Variants in KDM7A observed in about 807,000 individuals in gnomAD.
The protein encoded by KDM7A is lysine-specific demethylase 7A.
In KDM7A, 28 loss-of-function variants were observed where a neutral mutation model predicts 114.8. The observed-to-expected ratio is 0.24, with a 90% CI of 0.18 to 0.33. The LOEUF (loss-of-function observed/expected upper bound fraction) is 0.33, where lower values mean the gene tolerates loss of function less well. Ranked by LOEUF, KDM7A falls within the 10% of genes least tolerant of loss-of-function variation. The pLI is 1.00. For synonymous variants in KDM7A, 423 were observed against 397.8 expected (o/e 1.06, Z -0.75); for missense variants, 942 against 1,142.5 (o/e 0.82, Z 2.53).
intron 1 of KDM7A, among the ~76,000 whole-genome samples, chr7:140,159,786 T>A (rs1794497765): frequency 6.6e-6 from 1 of 152,154 alleles, no homozygotes; most frequent in Non-Finnish European, 1.5e-5. Flanking sequence ...CCTGATGGGA[T>A]CCAGATGCAA....
At position 140,124,789 on chromosome 7, in the gene KDM7A, A is replaced by AG. The variant is rs756516155; in HGVS notation, c.889-7dup. On this transcript the variant is annotated splice_region_variant and splice_polypyrimidine_tract_variant and intron_variant, in intron 6 of 19. Coordinates refer to ENST00000397560, the MANE Select transcript of KDM7A (RefSeq NM_030647.2). Reference sequence around the variant, plus strand: ...AAATAAAAAATCTTCTCACCCTAAAAGGAAGTATCATACTATTTTTGAAAA... The same window carrying AG: ...AAATAAAAAATCTTCTCACCCTAAAAGGGAAGTATCATACTATTTTTGAAAA... 4.3e-5 allele frequency: 68 copies of AG among 1,585,082 alleles called. No individual in the cohort carries two copies. The African/African-American group carries it at 8.5e-4, about 20-fold the overall frequency.
rs1210805060 is a variant in KDM7A, at chr7:140,089,815, A to G, written c.*1279T>C. The G allele has an allele frequency of 1.3e-5, 2 of 152,202 alleles. No individual in the cohort carries two copies. Among genetic ancestry groups the G allele is most frequent in the Non-Finnish European group, 2.9e-5 (2 of 68,026 alleles). 9.4% of individuals were successfully genotyped at this position (152,202 alleles called of 1,614,324 possible). A position where few individuals can be genotyped will look rare whatever the true frequency, so the allele number is the denominator to read the frequency against. On this transcript the variant is annotated 3_prime_UTR_variant, in exon 20 of 20. Transcript: ENST00000397560. ...ATGGAAGAAACTGCCAAAAGCACCC[A>G]TTTTACTCCAAATCCATATCTTAAG...
chr7:140,103,067 A>G (rs1206295840), intron 11 of KDM7A, among the ~76,000 whole-genome samples: 1 of 152,086 alleles, frequency 6.6e-6, no homozygotes, highest in Non-Finnish European at 1.5e-5. Flanking sequence ...CCATCTCGAG[A>G]AGCTTCTCAT....
intron 11 of KDM7A, among the ~76,000 whole-genome samples, chr7:140,107,443 A>G (rs1818357077): frequency 6.6e-6 from 1 of 152,148 alleles, no homozygotes; most frequent in Admixed American, 6.5e-5. Context: ...TGCTTCCTTC[A>G]GGAGCTCTTG....
chr7:140,094,764 T>C (rs1054008931), intron 17 of KDM7A: 1 of 152,478 alleles, frequency 6.6e-6, no homozygotes, highest in Non-Finnish European at 1.5e-5. Context: ...TGTGATCAAA[T>C]AGTTATAAAC....
chr7:140,128,301 T>C (rs1818737332), intron 4 of KDM7A, among the ~76,000 whole-genome samples: 1 of 152,212 alleles, frequency 6.6e-6, no homozygotes, highest in Non-Finnish European at 1.5e-5. Context: ...TGGGATAAGG[T>C]AGAATTCAAA....
chr7:140,151,451 C>T (rs1258703859), intron 1 of KDM7A, among the ~76,000 whole-genome samples: 1 of 152,152 alleles, frequency 6.6e-6, no homozygotes, highest in East Asian at 1.9e-4. Context: ...CTTGGGCTAC[C>T]ATCTTGGAGC....
At chr7:140,124,822 G>C (rs1465289590) in intron 6 of KDM7A, 39 bp from the exon 7 acceptor site, 1 of 1,339,106 alleles carries the variant, frequency 7.5e-7, no homozygotes, top group East Asian at 2.4e-5. Context: ...AAAAGCAAAA[G>C]CCATACTTAG....
intron 15 of KDM7A, 108 bp downstream of exon 15, chr7:140,097,437 G>C: frequency 1.5e-6 from 1 of 646,222 alleles, no homozygotes; most frequent in Middle Eastern, 3.5e-4. Context: ...ATGTAAGTCA[G>C]ACAGACAAGC....
intron 7 of KDM7A, among the ~76,000 whole-genome samples, chr7:140,124,330 C>T (rs1818664091): frequency 6.6e-6 from 1 of 152,034 alleles, no homozygotes; most frequent in South Asian, 2.1e-4. Context: ...TATTAATCTA[C>T]TAAAAACCAC....
intron 7 of KDM7A, 108 bp downstream of exon 7, chr7:140,124,512 AT>A (rs1818668277): frequency 5.7e-6 from 4 of 695,836 alleles, no homozygotes; most frequent in Non-Finnish European, 9.2e-6. Context: ...TTCTTAACAA[AT>A]GTCATAAAAA....
At chr7:140,152,969 T>A (rs1360826590) in intron 1 of KDM7A, among the ~76,000 whole-genome samples, 1 of 151,794 alleles carries the variant, frequency 6.6e-6, no homozygotes, top group South Asian at 2.1e-4. Flanking sequence ...AAGCGATTCT[T>A]GTGCCTCAGC....
intron 11 of KDM7A, among the ~76,000 whole-genome samples, chr7:140,107,838 G>C (rs1407181603): frequency 6.6e-6 from 1 of 152,196 alleles, no homozygotes; most frequent in Non-Finnish European, 1.5e-5. Context: ...GGTTGGGGAA[G>C]TTCTCCTGGA....
rs1817971817 is a variant in KDM7A at position 140,088,610 on chromosome 7, C to T, written c.*2484G>A. The T allele has an allele frequency of 1.0e-5, 4 of 397,484 alleles. No individual in the cohort carries two copies. The East Asian group carries it at 1.4e-4, about 14-fold the overall frequency. The allele number at this position is 397,484 out of a possible 1,614,324, so 24.6% of individuals were successfully genotyped here. A position where few individuals can be genotyped will look rare whatever the true frequency, so the allele number is the denominator to read the frequency against. On this transcript the variant is annotated 3_prime_UTR_variant, in exon 20 of 20. Transcript: ENST00000397560. ...GCCAGTAATGTTATAAGACGTTTGA[C>T]CAGGAGTCACTGGATCAGTGGCCGA...
Position 140,091,085 on chromosome 7 carries a change from G to A in KDM7A, c.*9C>T. The A allele has an allele frequency of 6.2e-7, 1 of 1,601,504 alleles. No individual in the cohort carries two copies. The highest frequency in any genetic ancestry group is 8.6e-7 in the Non-Finnish European group (1 of 1,168,432). On this transcript the variant is annotated 3_prime_UTR_variant, in exon 20 of 20. Coordinates refer to ENST00000397560, the MANE Select transcript of KDM7A (RefSeq NM_030647.2). ...TCCAAAGGGAAGAATGGCTGCAACAGCAGCTCTGTCACACAAAGAAACGTG... is the reference window on the plus strand; with the variant it reads ...TCCAAAGGGAAGAATGGCTGCAACAACAGCTCTGTCACACAAAGAAACGTG...
At chr7:140,127,694 T>C (rs62491412) in intron 4 of KDM7A, 111 bp from the exon 5 acceptor site, 68,722 of 925,338 alleles carry the variant, frequency 0.074, 3,059 homozygotes, top group Non-Finnish European at 0.091. Flanking sequence ...TATAAAACTA[T>C]GTAGTCTAGA....
At chr7:140,134,201 T>C (rs939461499) in intron 2 of KDM7A, among the ~76,000 whole-genome samples, 26 of 152,160 alleles carry the variant, frequency 1.7e-4, no homozygotes, top group Non-Finnish European at 2.6e-4. Flanking sequence ...ACAAAATACA[T>C]AACTTCATCA....
intron 1 of KDM7A, among the ~76,000 whole-genome samples, chr7:140,140,163 TG>T (rs964326318): frequency 6.6e-6 from 1 of 152,088 alleles, no homozygotes; most frequent in Non-Finnish European, 1.5e-5. Flanking sequence ...TACCAAAACT[TG>T]GAAAGAATTA....
At chr7:140,125,577 GT>G (rs1048781148) in intron 6 of KDM7A, among the ~76,000 whole-genome samples, 4 of 152,108 alleles carry the variant, frequency 2.6e-5, no homozygotes, top group Non-Finnish European at 5.9e-5. Flanking sequence ...CTTTTGTTTT[GT>G]TTTTTTGAGA....
Sources: allele counts gnomAD v4.1 joint callset (sites outside exome capture counted in the v4.1 genomes callset), GRCh38; gene constraint gnomAD v4.1.1; transcripts MANE v1.5; gene names NCBI Gene and HGNC (gene_info 2026-07-23, HGNC 2026-07-21).